The following AGBL4 variants were observed in gnomAD, a reference collection of about 807,000 sequenced individuals.
AGBL4 encodes the protein cytosolic carboxypeptidase 6.
In AGBL4, 58 loss-of-function variants were observed where a neutral mutation model predicts 66.4. The ratio of observed to expected loss-of-function variants is 0.87; its 90% CI spans 0.71 to 1.09. The LOEUF (loss-of-function observed/expected upper bound fraction) is 1.09. AGBL4 is among the 50% of genes least tolerant of loss of function. The pLI, the probability that AGBL4 is intolerant of heterozygous loss-of-function variation, is 0.00. For missense variants in AGBL4, 579 were observed against 631.0 expected (o/e 0.92, Z 0.88); for synonymous variants, 234 against 222.9 (o/e 1.05, Z -0.44).
chr1:48,586,696 G>A (rs951042720), intron 11 of AGBL4: 3 of 333,482 alleles, frequency 9.0e-6, no homozygotes, highest in Non-Finnish European at 1.7e-5. Context: ...TAGCTTAGAT[G>A]GCAGGAGACT....
At chr1:48,979,992 T>A (rs1659617589) in intron 5 of AGBL4, among the ~76,000 whole-genome samples, 1 of 152,188 alleles carries the variant, frequency 6.6e-6, no homozygotes. Flanking sequence ...TTTATCTCTG[T>A]AGTATTTATT....
chr1:48,668,295 A>G (rs1295916355), intron 6 of AGBL4, among the ~76,000 whole-genome samples: 4 of 152,060 alleles, frequency 2.6e-5, no homozygotes, highest in African/African-American at 9.7e-5. Context: ...TGCCAGCACC[A>G]CCCTTTCCAG....
At chr1:49,284,243 C>T (rs1338016483) in intron 3 of AGBL4, among the ~76,000 whole-genome samples, 2 of 152,124 alleles carry the variant, frequency 1.3e-5, no homozygotes, top group African/African-American at 4.8e-5. Context: ...AAATAATTTT[C>T]AATCCAGAAT....
chr1:48,887,548 C>T (rs905860942), intron 5 of AGBL4, among the ~76,000 whole-genome samples: 1 of 152,032 alleles, frequency 6.6e-6, no homozygotes, highest in African/African-American at 2.4e-5. Flanking sequence ...CATTATAAAC[C>T]CCCTTTTATA....
intron 5 of AGBL4, among the ~76,000 whole-genome samples, chr1:48,957,410 A>G (rs1401979321): frequency 1.3e-5 from 2 of 152,210 alleles, no homozygotes; most frequent in Non-Finnish European, 2.9e-5. Flanking sequence ...GTTATTGCAA[A>G]TAATGCTGTG....
chr1:49,882,639 T>C (rs1395469554), intron 1 of AGBL4, among the ~76,000 whole-genome samples: 1 of 152,200 alleles, frequency 6.6e-6, no homozygotes, highest in African/African-American at 2.4e-5. Flanking sequence ...TATTTTATTC[T>C]CTTTGAAGCA....
intron 1 of AGBL4, among the ~76,000 whole-genome samples, chr1:49,978,275 C>A (rs983278968): frequency 6.6e-6 from 1 of 151,978 alleles, no homozygotes; most frequent in East Asian, 1.9e-4. Context: ...ATAGCAAGAT[C>A]CTGTCTTTAC....
chr1:48,580,565 A>G (rs1644724651), intron 11 of AGBL4, among the ~76,000 whole-genome samples: 1 of 152,172 alleles, frequency 6.6e-6, no homozygotes, highest in Admixed American at 6.5e-5. Context: ...AGTCATTGCT[A>G]AACTGAGACT....
At chr1:49,313,157 G>C (rs745949364) in intron 3 of AGBL4, among the ~76,000 whole-genome samples, 8 of 152,026 alleles carry the variant, frequency 5.3e-5, no homozygotes, top group Non-Finnish European at 8.8e-5. Context: ...AGCTTGCTGA[G>C]AATGATGGTT....
At chr1:48,802,717 C>T (rs1379016441) in intron 6 of AGBL4, among the ~76,000 whole-genome samples, 3 of 152,182 alleles carry the variant, frequency 2.0e-5, no homozygotes, top group Non-Finnish European at 4.4e-5. Flanking sequence ...GTCTATGCTC[C>T]CAGTAATATC....
intron 8 of AGBL4, among the ~76,000 whole-genome samples, chr1:48,645,565 A>G (rs1271161541): frequency 6.6e-6 from 1 of 152,200 alleles, no homozygotes; most frequent in Non-Finnish European, 1.5e-5. Context: ...GAGGCTTCTG[A>G]TGACCCCTTT....
chr1:49,184,091 A>T (rs1263477257), intron 4 of AGBL4, among the ~76,000 whole-genome samples: 1 of 152,070 alleles, frequency 6.6e-6, no homozygotes, highest in Non-Finnish European at 1.5e-5. Flanking sequence ...ATAAAAGAAG[A>T]AAAAAACTAA....
chr1:48,618,284 T>A (rs1438593581), intron 9 of AGBL4, among the ~76,000 whole-genome samples: 5 of 152,214 alleles, frequency 3.3e-5, no homozygotes, highest in Non-Finnish European at 1.5e-5. Flanking sequence ...TATGTGAATG[T>A]GCTCTGAAAA....
At chr1:49,577,166 T>C (rs1001646766) in intron 3 of AGBL4, among the ~76,000 whole-genome samples, 4 of 152,156 alleles carry the variant, frequency 2.6e-5, no homozygotes, top group Non-Finnish European at 5.9e-5. Flanking sequence ...GTGAAAATAT[T>C]TGTATATCAT....
chr1:49,566,055 C>G (rs1418862372), intron 3 of AGBL4, among the ~76,000 whole-genome samples: 1 of 152,238 alleles, frequency 6.6e-6, no homozygotes, highest in Admixed American at 6.5e-5. Flanking sequence ...TTCATTTCGT[C>G]TTCCATCGCT....
chr1:48,757,576 T>C (rs1339378627), intron 6 of AGBL4, among the ~76,000 whole-genome samples: 1 of 152,174 alleles, frequency 6.6e-6, no homozygotes, highest in Non-Finnish European at 1.5e-5. Context: ...GAAGTCCCAA[T>C]GTCATTTCCT....
intron 5 of AGBL4, among the ~76,000 whole-genome samples, chr1:48,993,084 G>T (rs562129260): frequency 3.0e-4 from 45 of 152,146 alleles, no homozygotes; most frequent in Non-Finnish European, 8.8e-5. Flanking sequence ...AGATGGGAAT[G>T]TCCTGGGTCA....
intron 4 of AGBL4, among the ~76,000 whole-genome samples, chr1:49,047,816 G>A (rs1255759063): frequency 2.0e-5 from 3 of 152,116 alleles, no homozygotes; most frequent in African/African-American, 4.8e-5. Flanking sequence ...AAAGACTGAG[G>A]ATCCAAGTGG....
chr1:48,647,312 T>C (rs1645853507), intron 8 of AGBL4, among the ~76,000 whole-genome samples: 1 of 152,238 alleles, frequency 6.6e-6, no homozygotes. Context: ...TTTCACAGCA[T>C]TCTGCTATCT....
Sources: allele counts gnomAD v4.1 joint callset (sites outside exome capture counted in the v4.1 genomes callset), GRCh38; gene constraint gnomAD v4.1.1; transcripts MANE v1.5; gene names NCBI Gene and HGNC (gene_info 2026-07-23, HGNC 2026-07-21).